The following RIPK1 variants were observed in gnomAD, a reference collection of about 807,000 sequenced individuals.
RIPK1 encodes the protein receptor-interacting serine/threonine-protein kinase 1.
RIPK1 carries 27 observed loss-of-function variants against 62.4 expected under a neutral mutation model. The observed-to-expected ratio is 0.43, with a 90% confidence interval of 0.32 to 0.60. The LOEUF is 0.60. RIPK1 is among the 20% of genes least tolerant of loss of function. The pLI, the probability that RIPK1 is intolerant of heterozygous loss-of-function variation, is 0.07. For missense variants in RIPK1, 735 were observed against 831.0 expected, an observed-to-expected ratio of 0.88 and a Z score of 1.42; for synonymous variants, 287 against 303.2, an observed-to-expected ratio of 0.95 and a Z score of 0.55.
In RIPK1 at chr6:3,097,627, A is replaced by G. The variant is rs17513471; in HGVS notation, c.916-6598A>G. ...TACTGACAGAAATGTGAAAGATAAA[A>G]TTATAAAGCTATTGGAAAATATAGG... On this transcript the variant is annotated intron_variant, in intron 7 of 10. Coordinates refer to ENST00000259808, the MANE Select transcript of RIPK1 (RefSeq NM_001354930.2). Among the ~76,000 whole-genome samples, 433 of 152,334 alleles carry G rather than the reference A, an allele frequency of 2.8e-3. 1 individual carries two copies. The highest frequency in any genetic ancestry group is 0.01 in the African/African-American group (422 of 41,580).
Position 3,105,684 on chromosome 6 carries a change from G to A in RIPK1, c.1209G>A (p.Val403=), listed in dbSNP as rs1422361270. The part of the protein sequence containing the change: ...RQTKQQPRQN[V]AYNREEERRR... ...CGAAACAGCAGCCCAGACAGAATGT[G>A]GCTTACAACAGAGAGGAGGAAAGGA... The change falls in exon 9 of 11, where the codon GTG becomes GTA. Residue 403 remains valine (V), a synonymous_variant. Transcript: ENST00000259808. The surrounding 1 kb of genome is among the most constrained non-coding windows in gnomAD (Gnocchi z 4.5). 1 of 1,614,100 alleles carries A rather than the reference G, an allele frequency of 6.2e-7. No homozygotes were observed.
At chr6:3,073,946 T>C (rs1758915685) in intron 1 of RIPK1, among the ~76,000 whole-genome samples, 1 of 152,300 alleles carries the variant, frequency 6.6e-6, no homozygotes, top group Non-Finnish European at 1.5e-5. Flanking sequence ...TCCCGTCATC[T>C]GTCCGTCATT....
In RIPK1 at chr6:3,068,585, A is replaced by G; in HGVS notation, c.-137A>G. ...CCAGGGGACCCACAGCTGGGGCGCCAGAGCGCGGCCATCCGGGCGGGGCCG... is the reference window on the plus strand; with the variant it reads ...CCAGGGGACCCACAGCTGGGGCGCCGGAGCGCGGCCATCCGGGCGGGGCCG... On this transcript the variant is annotated 5_prime_UTR_variant, in exon 1 of 11. Transcript: ENST00000259808. 1.0e-6 allele frequency: 1 copy of G among 985,340 alleles called. No individual in the cohort carries two copies. Among genetic ancestry groups the G allele is most frequent in the South Asian group, 4.7e-5 (1 of 21,288 alleles). 61.0% of individuals were successfully genotyped at this position (985,340 alleles called of 1,614,324 possible). A position where few individuals can be genotyped will look rare whatever the true frequency, so the allele number is the denominator to read the frequency against.
upstream of RIPK1, among the ~76,000 whole-genome samples, chr6:3,064,771 A>G (rs1336734162): frequency 1.3e-5 from 2 of 152,210 alleles, no homozygotes; most frequent in Non-Finnish European, 2.9e-5. Flanking sequence ...AAGGGGGACC[A>G]GGAGTTTGCG....
intron 9 of RIPK1, among the ~76,000 whole-genome samples, chr6:3,109,153 G>A (rs1019702414): frequency 2.6e-5 from 4 of 152,150 alleles, no homozygotes; most frequent in South Asian, 2.1e-4. Context: ...GGGTGTGGTC[G>A]CTGCCCTTGG....
At position 3,087,756 on chromosome 6, in the gene RIPK1, G is replaced by A. The variant is rs373814607; in HGVS notation, c.839-1825G>A. 3.9e-4 allele frequency among the ~76,000 whole-genome samples: 58 copies of A among 150,102 alleles called. 1 individual carries two copies. In the South Asian group the frequency reaches 5.0e-3, roughly 13 times the overall value. On this transcript the variant is annotated intron_variant, in intron 6 of 10. Transcript: ENST00000259808. ...GGGTTTCACCGTGTTAGCCAGGATG[G>A]TCTCCATCTCCTGACCTTGTGATCA...
intron 4 of RIPK1, among the ~76,000 whole-genome samples, chr6:3,081,737 G>T (rs1227380509): frequency 6.6e-6 from 1 of 151,932 alleles, no homozygotes; most frequent in Non-Finnish European, 1.5e-5. Flanking sequence ...GTGCATGCCT[G>T]TAATTCCAGC....
intron 6 of RIPK1, among the ~76,000 whole-genome samples, chr6:3,086,165 G>A (rs937993870): frequency 6.6e-6 from 1 of 152,220 alleles, no homozygotes; most frequent in Non-Finnish European, 1.5e-5. Context: ...ATTCTATGGT[G>A]TGGATGTACC....
chr6:3,080,133 C>G (rs1026808692), intron 3 of RIPK1, among the ~76,000 whole-genome samples: 1 of 152,224 alleles, frequency 6.6e-6, no homozygotes, highest in Non-Finnish European at 1.5e-5. Context: ...CAGTGTAGCT[C>G]TGCTACGTTA....
chr6:3,110,204 ATTTTTT>A (rs3082523), intron 9 of RIPK1, among the ~76,000 whole-genome samples: 3 of 98,458 alleles, frequency 3.0e-5, no homozygotes, highest in Non-Finnish European at 4.5e-5. Flanking sequence ...AAGAATCACG[ATTTTTT>A]TTTTTTTTTT....
At chr6:3,101,525 T>C (rs1396594434) in intron 7 of RIPK1, among the ~76,000 whole-genome samples, 1 of 152,306 alleles carries the variant, frequency 6.6e-6, no homozygotes, top group East Asian at 1.9e-4. Flanking sequence ...ATTAATACCC[T>C]CTGTCATTCT....
At chr6:3,073,604 G>A (rs573978514) in intron 1 of RIPK1, among the ~76,000 whole-genome samples, 2 of 152,230 alleles carry the variant, frequency 1.3e-5, no homozygotes, top group South Asian at 4.1e-4. Context: ...GTTTCCTGAG[G>A]CACTTCTCTT....
At chr6:3,073,963 CT>C (rs1410611143) in intron 1 of RIPK1, among the ~76,000 whole-genome samples, 1 of 152,236 alleles carries the variant, frequency 6.6e-6, no homozygotes, top group Non-Finnish European at 1.5e-5. Context: ...CATTGTCTGA[CT>C]TTTTGATGTA....
chr6:3,077,705 G>A lies in RIPK1; in HGVS notation c.165-74G>A, dbSNP rs1265030610. ...CATGACCCCAGCACGTGGGAGTGAT[G>A]TGTTGGAGGTGTGCACCAGGCTCTT... On this transcript the variant is annotated intron_variant, in intron 2 of 10. Coordinates refer to ENST00000259808, the MANE Select transcript of RIPK1 (RefSeq NM_001354930.2). The A allele has an allele frequency of 4.6e-6, 7 of 1,510,304 alleles. No individual in the cohort carries two copies. In the African/African-American group the frequency reaches 5.5e-5, roughly 12 times the overall value. The allele number at this position is 1,510,304 out of a possible 1,614,324, so 93.6% of individuals were successfully genotyped here. A position where few individuals can be genotyped will look rare whatever the true frequency, so the allele number is the denominator to read the frequency against.
chr6:3,069,675 T>G (rs1758593179), intron 1 of RIPK1, among the ~76,000 whole-genome samples: 1 of 152,230 alleles, frequency 6.6e-6, no homozygotes, highest in African/African-American at 2.4e-5. Context: ...CTGTGACTGC[T>G]AGGAAGATGG....
chr6:3,077,969 CGCTTGGGCCCTGGCTGTCTG>C (rs1178464743), intron 3 of RIPK1, 34 bp downstream of exon 3: 1 of 1,607,744 alleles, frequency 6.2e-7, no homozygotes, highest in Non-Finnish European at 8.5e-7. Context: ...GGATCCCCAG[CGCTTGGGCCCTGGCTGTCTG>C]TTATGGCTCC....
At chr6:3,096,907 G>C (rs1760344845) in intron 7 of RIPK1, among the ~76,000 whole-genome samples, 1 of 151,784 alleles carries the variant, frequency 6.6e-6, no homozygotes. Flanking sequence ...GTCTTGCTCT[G>C]TTGCCCACGC....
At chr6:3,096,329 AAATT>A (rs1760289335) in intron 7 of RIPK1, among the ~76,000 whole-genome samples, 1 of 152,202 alleles carries the variant, frequency 6.6e-6, no homozygotes, top group Admixed American at 6.5e-5. Flanking sequence ...AGTATCTTTT[AAATT>A]AATAATAGTT....
chr6:3,076,740 G>A (rs1381651499), intron 1 of RIPK1, 24 bp from the exon 2 acceptor site: 2 of 1,196,598 alleles, frequency 1.7e-6, no homozygotes, highest in Non-Finnish European at 2.3e-6. Flanking sequence ...TTGCCCTGAG[G>A]TTTTCTCTCT....
Sources: gnomAD v4.1 joint callset for allele counts (sites outside exome capture counted in the v4.1 genomes callset) on GRCh38, gnomAD v4.1.1 for gene constraint, Gnocchi (gnomAD v3.1) non-coding constraint, MANE v1.5 for transcripts, NCBI Gene and HGNC (gene_info 2026-07-23, HGNC 2026-07-21) for gene names.